The following IQCJ variants were observed in gnomAD, a reference collection of about 807,000 sequenced individuals.
IQCJ encodes the protein IQ motif containing J.
In IQCJ, 9 loss-of-function variants were observed where a neutral mutation model predicts 11.0. The ratio of observed to expected loss-of-function variants is 0.82; its 90% CI spans 0.49 to 1.43. The LOEUF (loss-of-function observed/expected upper bound fraction) is 1.43, where lower values mean the gene tolerates loss of function less well. IQCJ is among the 40% of genes most tolerant of loss of function. The pLI is 0.00. For synonymous variants in IQCJ, 55 were observed against 51.3 expected, an observed-to-expected ratio of 1.07 and a Z score of -0.31; for missense variants, 146 against 133.2, an observed-to-expected ratio of 1.10 and a Z score of -0.47.
chr3:159,073,968 T>C (rs1003288811), intron 1 of IQCJ, among the ~76,000 whole-genome samples: 6 of 151,996 alleles, frequency 3.9e-5, no homozygotes, highest in African/African-American at 1.4e-4. Context: ...AGATTTCCCA[T>C]ATGGAGGAAG....
chr3:159,249,631 A>G (rs1265692487), intron 2 of IQCJ, among the ~76,000 whole-genome samples: 1 of 152,214 alleles, frequency 6.6e-6, no homozygotes, highest in Non-Finnish European at 1.5e-5. Flanking sequence ...ATTTGATTGA[A>G]AAATTGGTGT....
chr3:159,144,640 G>A (rs1052442786), intron 1 of IQCJ, among the ~76,000 whole-genome samples: 7 of 124,664 alleles, frequency 5.6e-5, no homozygotes, highest in African/African-American at 1.6e-4. Flanking sequence ...CTATCTAGAC[G>A]TACACACACA....
In IQCJ at chr3:159,162,717, G is replaced by A. The variant is rs563469091; in HGVS notation, c.10-83126G>A. Reference sequence around the variant, plus strand: ...GAAAAGAGAGAAGAATCAAATAGACGCAATAAAAAATGATAAAGGGGATAT... The same window carrying A: ...GAAAAGAGAGAAGAATCAAATAGACACAATAAAAAATGATAAAGGGGATAT... On this transcript the variant is annotated intron_variant, in intron 1 of 3. Coordinates refer to ENST00000397832, the MANE Select transcript of IQCJ (RefSeq NM_001042706.3). Among the ~76,000 whole-genome samples, 247 of 152,124 alleles carry A rather than the reference G, an allele frequency of 1.6e-3. 2 individuals are homozygous for A. Among genetic ancestry groups the A allele is most frequent in the African/African-American group, 4.2e-3 (174 of 41,512 alleles).
chr3:159,213,055 TC>T (rs1560027692), intron 1 of IQCJ, among the ~76,000 whole-genome samples: 1 of 152,172 alleles, frequency 6.6e-6, no homozygotes, highest in Non-Finnish European at 1.5e-5. Flanking sequence ...CAGGTAGATC[TC>T]CACACTGCTG....
intron 1 of IQCJ, among the ~76,000 whole-genome samples, chr3:159,185,783 G>C (rs1723340646): frequency 6.6e-6 from 1 of 152,140 alleles, no homozygotes. Context: ...CCATGAAGCT[G>C]CTTGATTGTC....
chr3:159,193,139 G>A (rs1723785739), intron 1 of IQCJ, among the ~76,000 whole-genome samples: 1 of 152,152 alleles, frequency 6.6e-6, no homozygotes, highest in Admixed American at 6.5e-5. Context: ...GGGTAGGAGA[G>A]TACTGACAGA....
chr3:159,089,356 T>C (rs1203460088), intron 1 of IQCJ, among the ~76,000 whole-genome samples: 1 of 152,192 alleles, frequency 6.6e-6, no homozygotes, highest in African/African-American at 2.4e-5. Flanking sequence ...CTTAACATTT[T>C]TTCCTTCATT....
intron 1 of IQCJ, among the ~76,000 whole-genome samples, chr3:159,147,568 C>A (rs1047253825): frequency 3.3e-4 from 50 of 152,248 alleles, no homozygotes; most frequent in African/African-American, 1.2e-3. Context: ...CTGATTGTGA[C>A]CTTAAGCAAA....
intron 1 of IQCJ, among the ~76,000 whole-genome samples, chr3:159,207,927 C>T (rs1234907433): frequency 6.6e-6 from 1 of 152,194 alleles, no homozygotes; most frequent in Admixed American, 6.5e-5. Flanking sequence ...CATTTGTACA[C>T]ATTCGAACAA....
downstream of IQCJ, among the ~76,000 whole-genome samples, chr3:159,264,950 G>T (rs1487578267): frequency 2.0e-5 from 3 of 151,038 alleles, no homozygotes; most frequent in Non-Finnish European, 4.4e-5. Context: ...TTTTCAAAAA[G>T]AATTAGCTGT....
intron 1 of IQCJ, among the ~76,000 whole-genome samples, chr3:159,145,874 T>C (rs967760057): frequency 2.0e-5 from 3 of 152,168 alleles, no homozygotes; most frequent in Admixed American, 6.5e-5. Context: ...AGAGTGATCA[T>C]AACCTGGAAC....
intron 1 of IQCJ, among the ~76,000 whole-genome samples, chr3:159,159,505 T>A (rs549088355): frequency 1.8e-4 from 28 of 152,326 alleles, no homozygotes; most frequent in African/African-American, 6.7e-4. Flanking sequence ...TTTTATGTGT[T>A]GATAAATAAG....
intron 1 of IQCJ, among the ~76,000 whole-genome samples, chr3:159,177,537 T>C (rs1722861806): frequency 6.6e-6 from 1 of 152,300 alleles, no homozygotes; most frequent in African/African-American, 2.4e-5. Flanking sequence ...ACTCAGGTAT[T>C]TCCTGAGGTG....
intron 1 of IQCJ, among the ~76,000 whole-genome samples, chr3:159,123,191 C>A (rs938989904): frequency 5.9e-5 from 9 of 152,086 alleles, no homozygotes; most frequent in South Asian, 4.2e-4. Flanking sequence ...TGCTCAATGG[C>A]AGTATATTTG....
intron 1 of IQCJ, among the ~76,000 whole-genome samples, chr3:159,092,772 T>C (rs926696798): frequency 6.7e-6 from 1 of 148,200 alleles, no homozygotes; most frequent in African/African-American, 2.5e-5. Context: ...TAAACTGTTA[T>C]AAGATAATAT....
Position 159,165,788 on chromosome 3 carries a change from A to ATTT in IQCJ, c.10-80035_10-80033dup, listed in dbSNP as rs35878681. On this transcript the variant is annotated intron_variant, in intron 1 of 3. Transcript: ENST00000397832. ...GCCACCATGCCCAGCTAATTTTTGT[A>ATTT]TTTTTTTTTTTTTTTTTTTTTTAGT... Among the ~76,000 whole-genome samples the ATTT allele has an allele frequency of 2.3e-3, 243 of 106,478 alleles. 3 individuals are homozygous for ATTT. Among genetic ancestry groups the ATTT allele is most frequent in the African/African-American group, 8.3e-3 (231 of 27,994 alleles). The allele number at this position is 106,478 out of a possible 152,430, so 69.9% of individuals were successfully genotyped here.
intron 1 of IQCJ, among the ~76,000 whole-genome samples, chr3:159,196,504 A>AT (rs1050089542): frequency 6.6e-6 from 1 of 152,156 alleles, no homozygotes; most frequent in Non-Finnish European, 1.5e-5. Flanking sequence ...AAACATCAGT[A>AT]TTTTTTGGAA....
chr3:159,134,522 G>A (rs1385761660), intron 1 of IQCJ, among the ~76,000 whole-genome samples: 1 of 152,156 alleles, frequency 6.6e-6, no homozygotes, highest in Non-Finnish European at 1.5e-5. Context: ...ACAAACCCAA[G>A]AGTGACCAGA....
At position 159,071,119 on chromosome 3, in the gene IQCJ, T is replaced by A. The variant is rs149999516; in HGVS notation, c.9+1678T>A. On this transcript the variant is annotated intron_variant, in intron 1 of 3. Coordinates refer to ENST00000397832, the MANE Select transcript of IQCJ (RefSeq NM_001042706.3). ...ATATTTTATCACATATAGAGCTGTG[T>A]ACTTATAGAGGATTATGTATATTTT... 6.6e-5 allele frequency among the ~76,000 whole-genome samples: 10 copies of A among 152,144 alleles called. No homozygotes were observed. The East Asian group carries it at 1.9e-3, about 29-fold the overall frequency.
Sources: gnomAD v4.1 joint callset for allele counts (sites outside exome capture counted in the v4.1 genomes callset) on GRCh38, gnomAD v4.1.1 for gene constraint, MANE v1.5 for transcripts, NCBI Gene and HGNC (gene_info 2026-07-23, HGNC 2026-07-21) for gene names.